FAF1: variants seen among roughly 807,000 people sequenced by gnomAD.
FAF1 encodes the protein Fas associated factor 1.
A neutral mutation model predicts 92.5 loss-of-function variants in FAF1; 25 were observed. The observed-to-expected ratio is 0.27, with a 90% CI of 0.20 to 0.38. The LOEUF is 0.38. Ranked by LOEUF, FAF1 falls within the 10% of genes least tolerant of loss-of-function variation. FAF1 has a pLI of 1.00. For synonymous variants in FAF1, 234 were observed against 273.2 expected (o/e 0.86, Z 1.42); for missense variants, 636 against 793.3 (o/e 0.80, Z 2.38).
At chr1:50,616,051 C>T (rs1371807371) in intron 8 of FAF1, among the ~76,000 whole-genome samples, 1 of 152,058 alleles carries the variant, frequency 6.6e-6, no homozygotes, top group Non-Finnish European at 1.5e-5. Context: ...ATTTAAGGTG[C>T]CTAGTTCCAT....
At chr1:50,669,049 C>T (rs1415003577) in intron 7 of FAF1, among the ~76,000 whole-genome samples, 1 of 152,168 alleles carries the variant, frequency 6.6e-6, no homozygotes, top group African/African-American at 2.4e-5. Context: ...GTGCTACACA[C>T]AGTATACCCC....
intron 12 of FAF1, among the ~76,000 whole-genome samples, chr1:50,579,069 T>C (rs558210160): frequency 2.6e-5 from 4 of 152,122 alleles, no homozygotes; most frequent in African/African-American, 7.2e-5. Flanking sequence ...TAATTTTTCA[T>C]CTGCTAAAAC....
intron 15 of FAF1, among the ~76,000 whole-genome samples, chr1:50,500,598 T>C (rs1265363157): frequency 6.6e-6 from 1 of 152,126 alleles, no homozygotes; most frequent in African/African-American, 2.4e-5. Flanking sequence ...ATAGTGACCT[T>C]AGGTTAGGCA....
intron 6 of FAF1, among the ~76,000 whole-genome samples, chr1:50,731,603 C>T (rs1245802804): frequency 6.6e-6 from 1 of 151,952 alleles, no homozygotes; most frequent in Non-Finnish European, 1.5e-5. Context: ...CTCCTGACCT[C>T]GTGATCCGCC....
intron 4 of FAF1, among the ~76,000 whole-genome samples, chr1:50,770,804 A>G (rs1557519575): frequency 6.6e-6 from 1 of 152,200 alleles, no homozygotes; most frequent in Non-Finnish European, 1.5e-5. Flanking sequence ...AGATAATCCT[A>G]AGCAAAAAGA....
At chr1:50,787,916 A>T in intron 4 of FAF1, 84 bp downstream of exon 4, 2 of 1,137,300 alleles carry the variant, frequency 1.8e-6, no homozygotes, top group Non-Finnish European at 2.6e-6. Context: ...TTGCACTGGT[A>T]GTCAACTAGA....
intron 8 of FAF1, among the ~76,000 whole-genome samples, chr1:50,639,948 A>G (rs1266263730): frequency 5.9e-5 from 9 of 151,808 alleles, no homozygotes; most frequent in Non-Finnish European, 1.0e-4. Context: ...AAAAAAAAAA[A>G]AAAAGTAACA....
chr1:50,553,436 C>G (rs1649406572), intron 13 of FAF1, among the ~76,000 whole-genome samples: 1 of 152,058 alleles, frequency 6.6e-6, no homozygotes, highest in Non-Finnish European at 1.5e-5. Context: ...TTGTGAAGGT[C>G]AATAGACAGA....
At chr1:50,501,376 C>T (rs1024220737) in intron 15 of FAF1, among the ~76,000 whole-genome samples, 1 of 152,258 alleles carries the variant, frequency 6.6e-6, no homozygotes, top group Non-Finnish European at 1.5e-5. Flanking sequence ...GTTTAAAAGA[C>T]TAACCAGGCC....
chr1:50,738,001 C>T (rs1429820890), intron 6 of FAF1, among the ~76,000 whole-genome samples: 1 of 152,130 alleles, frequency 6.6e-6, no homozygotes, highest in Non-Finnish European at 1.5e-5. Flanking sequence ...TAATCATCCA[C>T]TATAGGTCAG....
chr1:50,589,834 T>C (rs924771073), intron 9 of FAF1, among the ~76,000 whole-genome samples: 7 of 152,216 alleles, frequency 4.6e-5, no homozygotes, highest in African/African-American at 1.7e-4. Context: ...GTCTTTCATA[T>C]ATTTTGAGTT....
chr1:50,585,127 C>T (rs11587909), intron 9 of FAF1, among the ~76,000 whole-genome samples: 36,315 of 152,038 alleles, frequency 0.24, 4,715 homozygotes, highest in Middle Eastern at 0.44. Flanking sequence ...AAAATGGGTA[C>T]AACTGGAGAA....
chr1:50,695,523 C>T (rs1337275273), intron 7 of FAF1, among the ~76,000 whole-genome samples: 1 of 152,116 alleles, frequency 6.6e-6, no homozygotes, highest in African/African-American at 2.4e-5. Context: ...TTTAACTATA[C>T]ATTTAAGAGG....
chr1:50,732,234 C>G (rs1392035801), intron 6 of FAF1, among the ~76,000 whole-genome samples: 1 of 152,048 alleles, frequency 6.6e-6, no homozygotes, highest in Non-Finnish European at 1.5e-5. Flanking sequence ...GCCACCACGC[C>G]TGGCTAATTT....
intron 7 of FAF1, among the ~76,000 whole-genome samples, chr1:50,660,554 T>G (rs546889530): frequency 6.6e-6 from 1 of 151,880 alleles, no homozygotes; most frequent in Non-Finnish European, 1.5e-5. Flanking sequence ...CAGAGTGCAG[T>G]AGGTTCTCGG....
At chr1:50,682,382 A>G (rs1490888086) in intron 7 of FAF1, among the ~76,000 whole-genome samples, 4 of 152,114 alleles carry the variant, frequency 2.6e-5, no homozygotes, top group Admixed American at 1.3e-4. Context: ...ACGCACCTGC[A>G]GTCATAGCTA....
intron 8 of FAF1, among the ~76,000 whole-genome samples, chr1:50,655,154 T>G (rs1224037331): frequency 6.6e-6 from 1 of 151,850 alleles, no homozygotes; most frequent in East Asian, 2.0e-4. Flanking sequence ...TCCTGAGTAG[T>G]GGGATTAGAG....
chr1:50,881,056 GT>G (rs749449573), intron 1 of FAF1, among the ~76,000 whole-genome samples: 4 of 152,130 alleles, frequency 2.6e-5, no homozygotes, highest in Admixed American at 6.6e-5. Context: ...TCTGAGTGGG[GT>G]TCAAACATTA....
At chr1:50,759,923 T>C (rs1660255261) in intron 4 of FAF1, among the ~76,000 whole-genome samples, 2 of 152,238 alleles carry the variant, frequency 1.3e-5, no homozygotes, top group African/African-American at 4.8e-5. Flanking sequence ...CATTTTTTCA[T>C]GTGTTTTTTG....
Sources: gnomAD v4.1 joint callset for allele counts (sites outside exome capture counted in the v4.1 genomes callset) on GRCh38, gnomAD v4.1.1 for gene constraint, MANE v1.5 for transcripts, NCBI Gene and HGNC (gene_info 2026-07-23, HGNC 2026-07-21) for gene names.